The following ROR2 variants were observed in gnomAD, a reference collection of about 807,000 sequenced individuals.
ROR2 encodes the protein tyrosine-protein kinase transmembrane receptor ROR2.
In ROR2, 33 loss-of-function variants were observed where a neutral mutation model predicts 74.9. That is an observed-to-expected ratio of 0.44 (90% CI 0.33 to 0.59). The LOEUF is 0.59. ROR2 is among the 20% of genes least tolerant of loss of function. The pLI, the probability that ROR2 is intolerant of heterozygous loss-of-function variation, is 0.02. For missense variants in ROR2, 1,216 were observed against 1,313.8 expected (o/e 0.93, Z 1.15); for synonymous variants, 586 against 558.7 (o/e 1.05, Z -0.69).
At chr9:91,940,602 T>C (rs183433854) in intron 1 of ROR2, among the ~76,000 whole-genome samples, 6 of 151,774 alleles carry the variant, frequency 4.0e-5, no homozygotes, top group African/African-American at 1.5e-4. Flanking sequence ...TTCTTTTTTT[T>C]TTTTTTTCTT....
intron 1 of ROR2, among the ~76,000 whole-genome samples, chr9:91,782,004 A>C (rs1285326153): frequency 6.6e-6 from 1 of 152,224 alleles, no homozygotes; most frequent in African/African-American, 2.4e-5. Flanking sequence ...ATTTAGGTGA[A>C]GGGGGAGAGA....
intron 1 of ROR2, among the ~76,000 whole-genome samples, chr9:91,791,862 A>G: frequency 6.6e-6 from 1 of 151,412 alleles, no homozygotes; most frequent in Non-Finnish European, 1.5e-5. Flanking sequence ...TTTAATACAT[A>G]ACCTTTAATA....
At chr9:91,851,353 C>CAAAAA (rs140560176) in intron 1 of ROR2, among the ~76,000 whole-genome samples, 1 of 114,572 alleles carries the variant, frequency 8.7e-6, no homozygotes, top group Non-Finnish European at 2.0e-5. Flanking sequence ...GACTCCGTCT[C>CAAAAA]AAAAAAAAAA....
chr9:91,724,349 A>G lies in ROR2; in HGVS notation c.2145T>C (p.Asp715=), dbSNP rs1325309857. 1.9e-6 allele frequency: 3 copies of G among 1,613,684 alleles called. No homozygotes were observed. Among genetic ancestry groups the G allele is most frequent in the Non-Finnish European group, 2.5e-6 (3 of 1,180,024 alleles). ...GGGCATACACCCAGGCGGGACAGTC[A>G]TCGGGGCAAGGCAGCACCTGCCGGT... is the stretch of plus-strand genomic sequence containing the variant. ...IRNRQVLPCP[D]DCPAWVYALM... Residue 715 remains aspartate (D), a synonymous_variant, in exon 9 of 9, where the codon GAT becomes GAC. Coordinates refer to ENST00000375708, the MANE Select transcript of ROR2 (RefSeq NM_004560.4).
At chr9:91,759,264 G>C (rs1273961067) in intron 2 of ROR2, among the ~76,000 whole-genome samples, 1 of 152,142 alleles carries the variant, frequency 6.6e-6, no homozygotes, top group East Asian at 1.9e-4. Flanking sequence ...CTTCATTCAC[G>C]GGACAGTGGA....
At chr9:91,829,159 A>G (rs565209752) in intron 1 of ROR2, among the ~76,000 whole-genome samples, 2 of 152,366 alleles carry the variant, frequency 1.3e-5, no homozygotes, top group African/African-American at 4.8e-5. Flanking sequence ...CTTCACAGGC[A>G]GTCGCTTCCG....
At chr9:91,859,295 G>T (rs906510318) in intron 1 of ROR2, among the ~76,000 whole-genome samples, 1 of 145,372 alleles carries the variant, frequency 6.9e-6, no homozygotes, top group Non-Finnish European at 1.5e-5. Flanking sequence ...ACAGCCTCCC[G>T]GGTTCAAGCA....
At chr9:91,798,614 G>C (rs1827267922) in intron 1 of ROR2, among the ~76,000 whole-genome samples, 1 of 145,314 alleles carries the variant, frequency 6.9e-6, no homozygotes, top group Non-Finnish European at 1.5e-5. Flanking sequence ...TCTGTGGGTG[G>C]GGAATGACAC....
chr9:91,818,992 A>G (rs1445433837), intron 1 of ROR2, among the ~76,000 whole-genome samples: 3 of 152,158 alleles, frequency 2.0e-5, no homozygotes, highest in African/African-American at 7.2e-5. Flanking sequence ...TTCCATCCCA[A>G]GAAGAACCCA....
At chr9:91,895,183 T>C (rs1260737999) in intron 1 of ROR2, among the ~76,000 whole-genome samples, 1 of 152,212 alleles carries the variant, frequency 6.6e-6, no homozygotes, top group Non-Finnish European at 1.5e-5. Context: ...CTACATACTA[T>C]ATGATTCCAA....
intron 1 of ROR2, among the ~76,000 whole-genome samples, chr9:91,798,275 A>G (rs200705788): frequency 0.18 from 10,241 of 58,290 alleles, 618 homozygotes; most frequent in East Asian, 0.38. Flanking sequence ...CTGACACCCT[A>G]GGCTCTGTGG....
chr9:91,880,177 GAC>G (rs371219894), intron 1 of ROR2, among the ~76,000 whole-genome samples: 1 of 152,036 alleles, frequency 6.6e-6, no homozygotes, highest in East Asian at 1.9e-4. Flanking sequence ...AAAAAAAAAG[GAC>G]ACACACACAG....
intron 4 of ROR2, among the ~76,000 whole-genome samples, chr9:91,740,555 C>T (rs889907202): frequency 1.6e-5 from 2 of 128,698 alleles, no homozygotes; most frequent in Non-Finnish European, 3.2e-5. Flanking sequence ...CTGTTTCGGG[C>T]GGGGGGGGGA....
intron 1 of ROR2, among the ~76,000 whole-genome samples, chr9:91,879,762 GACTAAGTGA>G (rs1830053776): frequency 1.3e-5 from 2 of 151,816 alleles, no homozygotes; most frequent in South Asian, 4.2e-4. Context: ...GGGTGCAGCA[GACTAAGTGA>G]ACACCTCATC....
chr9:91,833,013 T>G (rs894715363), intron 1 of ROR2, among the ~76,000 whole-genome samples: 2 of 152,088 alleles, frequency 1.3e-5, no homozygotes, highest in Non-Finnish European at 2.9e-5. Context: ...AGTCAGGATG[T>G]GGTACACAAA....
chr9:91,904,673 C>T (rs1377768872), intron 1 of ROR2, among the ~76,000 whole-genome samples: 1 of 152,158 alleles, frequency 6.6e-6, no homozygotes, highest in Admixed American at 6.5e-5. Context: ...CACAGGATGT[C>T]CCTTCCAGGC....
At chr9:91,735,227 T>C (rs980149847) in intron 5 of ROR2, among the ~76,000 whole-genome samples, 3 of 152,246 alleles carry the variant, frequency 2.0e-5, no homozygotes, top group African/African-American at 7.2e-5. Flanking sequence ...CATCCTGTTA[T>C]CTGTCCACAC....
intron 1 of ROR2, among the ~76,000 whole-genome samples, chr9:91,890,257 C>T (rs1207498814): frequency 6.6e-6 from 1 of 152,200 alleles, no homozygotes; most frequent in African/African-American, 2.4e-5. Context: ...CGGACCCAGG[C>T]ACAGGGGCCA....
At chr9:91,740,348 A>G (rs766588597) in intron 4 of ROR2, among the ~76,000 whole-genome samples, 21 of 152,108 alleles carry the variant, frequency 1.4e-4, no homozygotes, top group Non-Finnish European at 2.6e-4. Context: ...GAAGATCGAG[A>G]CCATCCTGGC....
Sources: gnomAD v4.1 joint callset for allele counts (sites outside exome capture counted in the v4.1 genomes callset) on GRCh38, gnomAD v4.1.1 for gene constraint, MANE v1.5 for transcripts, NCBI Gene and HGNC (gene_info 2026-07-23, HGNC 2026-07-21) for gene names.